Variants in TLN2 observed in about 807,000 individuals in gnomAD.
The protein encoded by TLN2 is talin 2.
TLN2 carries 118 observed loss-of-function variants against 294.7 expected under a neutral mutation model. The observed-to-expected ratio is 0.40, with a 90% CI of 0.34 to 0.47. The LOEUF (loss-of-function observed/expected upper bound fraction) is 0.47, where lower values mean the gene tolerates loss of function less well. TLN2 is among the 20% of genes least tolerant of loss of function. TLN2 has a pLI of 0.84. For missense variants in TLN2, 3,083 were observed against 3,282.2 expected, an observed-to-expected ratio of 0.94 and a Z score of 1.48; for synonymous variants, 1,431 against 1,304.5, an observed-to-expected ratio of 1.10 and a Z score of -2.09.
chr15:62,605,647 C>T (rs966675996), intron 2 of TLN2, among the ~76,000 whole-genome samples: 1 of 152,152 alleles, frequency 6.6e-6, no homozygotes, highest in African/African-American at 2.4e-5. Context: ...CACACGCCTC[C>T]TCCATGGGGA....
chr15:62,552,156 AT>A (rs1385802460), intron 1 of TLN2, among the ~76,000 whole-genome samples: 1 of 152,234 alleles, frequency 6.6e-6, no homozygotes, highest in Non-Finnish European at 1.5e-5. Context: ...TTCTCTAGAC[AT>A]TATCAAATGT....
intron 9 of TLN2, among the ~76,000 whole-genome samples, chr15:62,659,932 G>A (rs2053631093): frequency 6.6e-6 from 1 of 152,176 alleles, no homozygotes; most frequent in Admixed American, 6.5e-5. Context: ...GCTGATTTGC[G>A]AGTTGGATAG....
At chr15:62,541,541 A>G (rs142126303) in intron 1 of TLN2, among the ~76,000 whole-genome samples, 40 of 152,090 alleles carry the variant, frequency 2.6e-4, no homozygotes, top group East Asian at 1.6e-3. Context: ...CAGCTCCCCA[A>G]TCGTATTGCC....
At chr15:62,666,759 C>G (rs2054701400) in intron 9 of TLN2, among the ~76,000 whole-genome samples, 1 of 152,176 alleles carries the variant, frequency 6.6e-6, no homozygotes, top group African/African-American at 2.4e-5. Context: ...AACTGCTACA[C>G]TCAGTTGCAG....
chr15:62,501,083 C>G (rs1326903049), intron 1 of TLN2, among the ~76,000 whole-genome samples: 3 of 152,226 alleles, frequency 2.0e-5, no homozygotes, highest in Non-Finnish European at 4.4e-5. Flanking sequence ...GTGCAATGCG[C>G]CATGGGGCAT....
In TLN2 at chr15:62,815,173, TCTGTCACACACACA is replaced by T. The variant is rs1269197844; in HGVS notation, c.6772-4341_6772-4328del. Among the ~76,000 whole-genome samples the T allele has an allele frequency of 7.3e-3, 980 of 134,036 alleles. 9 individuals carry two copies. Among genetic ancestry groups the T allele is most frequent in the African/African-American group, 0.025 (942 of 37,002 alleles). 87.9% of individuals were successfully genotyped at this position (134,036 alleles called of 152,430 possible). A position where few individuals can be genotyped will look rare whatever the true frequency, so the allele number is the denominator to read the frequency against. Reference sequence around the variant, plus strand: ...TTAAAAACTGGAGATTTTTATTCTGTCTGTCACACACACACACACACACACACACACACACACAC... The same window carrying T: ...TTAAAAACTGGAGATTTTTATTCTGTCACACACACACACACACACACACAC... On this transcript the variant is annotated intron_variant, in intron 52 of 58. Transcript: ENST00000636159.
chr15:62,603,581 G>T (rs1193401758), intron 2 of TLN2, among the ~76,000 whole-genome samples: 2 of 152,146 alleles, frequency 1.3e-5, no homozygotes, highest in Non-Finnish European at 2.9e-5. Flanking sequence ...TAGCTTTGTG[G>T]AGAATAGCCT....
chr15:62,507,854 A>G (rs755114174), intron 1 of TLN2, among the ~76,000 whole-genome samples: 1 of 152,218 alleles, frequency 6.6e-6, no homozygotes. Context: ...ATGGGACTCT[A>G]AGGAGTGAAA....
intron 12 of TLN2, among the ~76,000 whole-genome samples, chr15:62,690,940 T>C (rs1216683537): frequency 2.7e-5 from 4 of 148,760 alleles, no homozygotes; most frequent in African/African-American, 5.0e-5. Flanking sequence ...GGCAGGGAGG[T>C]TGCAGTGAGC....
intron 1 of TLN2, among the ~76,000 whole-genome samples, chr15:62,417,581 G>C (rs1319970324): frequency 6.6e-6 from 1 of 152,174 alleles, no homozygotes; most frequent in Non-Finnish European, 1.5e-5. Flanking sequence ...TGTTTTCCCT[G>C]CCTGAGTCAG....
chr15:62,801,536 A>G (rs1413144884), intron 50 of TLN2, among the ~76,000 whole-genome samples: 1 of 152,210 alleles, frequency 6.6e-6, no homozygotes, highest in African/African-American at 2.4e-5. Flanking sequence ...CTGCACCTTT[A>G]AAGGGTCACC....
intron 1 of TLN2, among the ~76,000 whole-genome samples, chr15:62,462,618 T>C (rs1016873135): frequency 6.6e-6 from 1 of 152,124 alleles, no homozygotes; most frequent in Non-Finnish European, 1.5e-5. Flanking sequence ...GGACCCCTGT[T>C]TTTAGGAGAC....
intron 21 of TLN2, among the ~76,000 whole-genome samples, chr15:62,709,287 G>T (rs546413477): frequency 2.0e-5 from 3 of 152,312 alleles, no homozygotes; most frequent in South Asian, 2.1e-4. Context: ...CTTGGGAAAT[G>T]CAGGGCAGAA....
chr15:62,826,362 G>A (rs921078359), intron 54 of TLN2, among the ~76,000 whole-genome samples: 1 of 152,128 alleles, frequency 6.6e-6, no homozygotes, highest in Admixed American at 6.5e-5. Context: ...GCATGAACTC[G>A]CGCGTATTCC....
Position 62,819,554 on chromosome 15 carries a change from G to A in TLN2, c.6810G>A (p.Leu2270=). 1 of 1,613,942 alleles carries A rather than the reference G, an allele frequency of 6.2e-7. No homozygotes were observed. The highest frequency in any genetic ancestry group is 8.5e-7 in the Non-Finnish European group (1 of 1,180,012). The change falls in exon 53 of 59, where the codon CTG becomes CTA. Residue 2270 remains leucine (L), a synonymous_variant. Transcript: ENST00000636159. ...CAACCCCAGAATTCAAGCAGCAGCTGGCCGCTTTCTCCAAGCGAGTCGCCG... is the reference window on the plus strand; with the variant it reads ...CAACCCCAGAATTCAAGCAGCAGCTAGCCGCTTTCTCCAAGCGAGTCGCCG... The part of the protein sequence containing the change: ...QKPTPEFKQQ[L]AAFSKRVAGA...
intron 1 of TLN2, among the ~76,000 whole-genome samples, chr15:62,562,957 CA>C (rs1567104807): frequency 1.4e-5 from 2 of 138,920 alleles, no homozygotes; most frequent in African/African-American, 5.5e-5. Context: ...CACACACACA[CA>C]CACACACACA....
At chr15:62,470,719 C>G (rs1045163023) in intron 1 of TLN2, among the ~76,000 whole-genome samples, 11 of 152,204 alleles carry the variant, frequency 7.2e-5, no homozygotes, top group Non-Finnish European at 1.5e-4. Flanking sequence ...CCCACCGAGC[C>G]AGTGCAGGCA....
At chr15:62,445,992 T>C (rs2035802118) in intron 1 of TLN2, among the ~76,000 whole-genome samples, 1 of 151,836 alleles carries the variant, frequency 6.6e-6, no homozygotes, top group African/African-American at 2.4e-5. Flanking sequence ...TAGTCTTTTT[T>C]TTTTGTATAA....
At position 62,655,585 on chromosome 15, in the gene TLN2, G is replaced by GTGC. The variant is rs1372938000; in HGVS notation, c.518-359_518-358insTGC. Among the ~76,000 whole-genome samples the GTGC allele has an allele frequency of 1.4e-4, 2 of 13,884 alleles. 1 individual carries two copies. The highest frequency in any genetic ancestry group is 2.7e-3 in the Admixed American group (2 of 744). The allele number at this position is 13,884 out of a possible 152,430, so 9.1% of individuals were successfully genotyped here. On this transcript the variant is annotated intron_variant, in intron 7 of 58. Coordinates refer to ENST00000636159, the MANE Select transcript of TLN2 (RefSeq NM_015059.3). ...GGCAGCATATTATACATTCATTGTA[G>GTGC]CACATGTCACCGTGGGTTGGCTGGC...
Sources: allele counts gnomAD v4.1 joint callset (sites outside exome capture counted in the v4.1 genomes callset), GRCh38; gene constraint gnomAD v4.1.1; transcripts MANE v1.5; gene names NCBI Gene and HGNC (gene_info 2026-07-23, HGNC 2026-07-21).